Variants in CNBD2 observed in about 807,000 individuals in gnomAD.
CNBD2 encodes cyclic nucleotide-binding domain-containing protein 2.
Under a neutral mutation model 63.7 loss-of-function variants are expected in CNBD2, and 64 were observed. The observed-to-expected ratio is 1.00, with a 90% confidence interval of 0.82 to 1.24. The LOEUF is 1.24. Among genes scored for constraint, CNBD2 ranks in the 50% most tolerant of loss-of-function variants. The probability of loss-of-function intolerance (pLI) is 0.00; values close to 1 mark genes in which losing one functional copy is unlikely to be tolerated. For missense variants in CNBD2, 691 were observed against 713.5 expected, an observed-to-expected ratio of 0.97 and a Z score of 0.36; for synonymous variants, 229 against 255.4, an observed-to-expected ratio of 0.90 and a Z score of 0.99.
chr20:36,004,298 G>T (rs2056955025), intron 8 of CNBD2, among the ~76,000 whole-genome samples: 1 of 152,134 alleles, frequency 6.6e-6, no homozygotes, highest in Non-Finnish European at 1.5e-5. Flanking sequence ...AGCTTCAGGG[G>T]AAACTCTCTG....
At chr20:35,995,964 A>T (rs1161451323) in intron 8 of CNBD2, among the ~76,000 whole-genome samples, 1 of 151,650 alleles carries the variant, frequency 6.6e-6, no homozygotes. Flanking sequence ...GCTGGTGGGG[A>T]CTCTTCAGAG....
At chr20:35,994,284 C>G (rs890820194) in intron 7 of CNBD2, among the ~76,000 whole-genome samples, 1 of 151,928 alleles carries the variant, frequency 6.6e-6, no homozygotes, top group Non-Finnish European at 1.5e-5. Context: ...AGGCTGGTCT[C>G]GAACTCCCGA....
chr20:35,973,727 AT>A (rs1412366453), intron 2 of CNBD2: 2 of 152,108 alleles, frequency 1.3e-5, no homozygotes, highest in Non-Finnish European at 2.9e-5. Flanking sequence ...AGGTTTCTAG[AT>A]TTCCTAGAAG....
chr20:35,995,723 A>G (rs1049917170), intron 8 of CNBD2, among the ~76,000 whole-genome samples: 2 of 152,170 alleles, frequency 1.3e-5, no homozygotes, highest in Non-Finnish European at 2.9e-5. Flanking sequence ...TAATGTTGCT[A>G]TGAACATTTG....
At chr20:35,998,190 C>A (rs1451327020) in intron 8 of CNBD2, among the ~76,000 whole-genome samples, 1 of 151,728 alleles carries the variant, frequency 6.6e-6, no homozygotes, top group Non-Finnish European at 1.5e-5. Context: ...TACAGGCATG[C>A]ACCACCAAAC....
In CNBD2 at chr20:35,971,193, C is replaced by T. The variant is rs375468578; in HGVS notation, c.52-1436C>T. Among the ~76,000 whole-genome samples the T allele has an allele frequency of 3.2e-4, 48 of 151,204 alleles. No individual in the cohort carries two copies. In the East Asian group the frequency reaches 8.1e-3, roughly 25 times the overall value. ...CGATCTCCTGACCTCGTGATCCGCC[C>T]GCCTCGGCCTCCCAAAGTGCTGGGT... On this transcript the variant is annotated intron_variant, in intron 1 of 11. Transcript: ENST00000373973.
chr20:36,001,615 G>T (rs1381498575), intron 8 of CNBD2, among the ~76,000 whole-genome samples: 1 of 150,944 alleles, frequency 6.6e-6, no homozygotes, highest in African/African-American at 2.4e-5. Flanking sequence ...CGGCTGCCAG[G>T]CGGAGGGGCT....
intron 3 of CNBD2, 63 bp downstream of exon 3, chr20:35,976,065 C>A: frequency 6.9e-7 from 1 of 1,443,064 alleles, no homozygotes; most frequent in Non-Finnish European, 9.7e-7. Flanking sequence ...TTGGAAGAAA[C>A]CCTGGCTGGG....
chr20:35,968,445 A>G (rs2147188605), upstream of CNBD2: 1 of 280,440 alleles, frequency 3.6e-6, no homozygotes, highest in Non-Finnish European at 7.0e-6. Flanking sequence ...GGAGTTGAGT[A>G]AAAGTTTGGG....
At chr20:35,966,021 A>T (rs557775509), upstream of CNBD2, among the ~76,000 whole-genome samples, 11 of 152,200 alleles carry the variant, frequency 7.2e-5, 1 homozygote, top group Admixed American at 7.2e-4. Context: ...AGTTCAGAGG[A>T]CTGACGGGAC....
chr20:36,015,953 G>A (rs530682561), intron 10 of CNBD2, among the ~76,000 whole-genome samples: 1 of 152,284 alleles, frequency 6.6e-6, no homozygotes, highest in African/African-American at 2.4e-5. Flanking sequence ...GGGGAATGAA[G>A]TAACTTTACA....
intron 8 of CNBD2, among the ~76,000 whole-genome samples, chr20:36,005,174 G>A (rs771868978): frequency 1.3e-5 from 2 of 152,174 alleles, no homozygotes; most frequent in African/African-American, 4.8e-5. Context: ...AAATAGTTCA[G>A]CGGTCCCCAA....
At chr20:36,012,602 G>A (rs1386479015) in intron 10 of CNBD2, among the ~76,000 whole-genome samples, 1 of 152,016 alleles carries the variant, frequency 6.6e-6, no homozygotes, top group Admixed American at 6.6e-5. Context: ...CACTTTGGGA[G>A]GCCACCTGAG....
intron 11 of CNBD2, among the ~76,000 whole-genome samples, chr20:36,027,858 G>T (rs2057299982): frequency 6.6e-6 from 1 of 151,986 alleles, no homozygotes; most frequent in South Asian, 2.1e-4. Flanking sequence ...TAGAGATGGG[G>T]TTTCACCATG....
At chr20:35,958,468 T>C (rs1011542043), downstream of CNBD2, among the ~76,000 whole-genome samples, 2 of 152,186 alleles carry the variant, frequency 1.3e-5, no homozygotes, top group African/African-American at 4.8e-5. Flanking sequence ...GAAATAATTA[T>C]AGATTCATAG....
intron 8 of CNBD2, among the ~76,000 whole-genome samples, chr20:36,005,775 G>A (rs1252346130): frequency 6.6e-6 from 1 of 151,562 alleles, no homozygotes. Flanking sequence ...ACGGTGAAAC[G>A]CTGTCTCTAA....
chr20:36,023,763 A>T lies in CNBD2; in HGVS notation c.1431A>T (p.Ala477=). 6.2e-7 allele frequency: 1 copy of T among 1,611,190 alleles called. No homozygotes were observed. Among genetic ancestry groups the T allele is most frequent in the Non-Finnish European group, 8.5e-7 (1 of 1,178,598 alleles). Reference sequence around the variant, plus strand: ...AAAAGTTGTTAAAGCTCAATATTGCATTCCCCAGGTCAGTACTGGAAATGT... The same window carrying T: ...AAAAGTTGTTAAAGCTCAATATTGCTTTCCCCAGGTCAGTACTGGAAATGT... ...MIKKLLKLNI[A]FPSDEDMCQK... is the part of the protein sequence containing the mutation. The change falls in exon 11 of 12, where the codon GCA becomes GCT. Residue 477 remains alanine (A), a synonymous_variant. Coordinates refer to ENST00000373973, the MANE Select transcript of CNBD2 (RefSeq NM_001365709.1).
chr20:35,975,715 C>T (rs2147216780), intron 2 of CNBD2, among the ~76,000 whole-genome samples: 1 of 152,244 alleles, frequency 6.6e-6, no homozygotes, highest in East Asian at 1.9e-4. Context: ...CTTTCCTTCT[C>T]CCCACCCCCA....
intron 1 of CNBD2, 103 bp from the exon 2 acceptor site, chr20:35,972,526 C>T (rs1477987077): frequency 1.8e-6 from 2 of 1,081,354 alleles, no homozygotes; most frequent in East Asian, 4.7e-5. Context: ...CACACTACTG[C>T]ATTTAATCCT....
Sources: allele counts gnomAD v4.1 joint callset (sites outside exome capture counted in the v4.1 genomes callset), GRCh38; gene constraint gnomAD v4.1.1; transcripts MANE v1.5; gene names NCBI Gene and HGNC (gene_info 2026-07-23, HGNC 2026-07-21).